The following RGS11 variants were observed in gnomAD, a reference collection of about 807,000 sequenced individuals.
RGS11 encodes the protein regulator of G protein signaling 11.
A neutral mutation model predicts 71.1 loss-of-function variants in RGS11; 86 were observed. That is an observed-to-expected ratio of 1.21 (90% CI 1.02 to 1.45). The LOEUF (loss-of-function observed/expected upper bound fraction) is 1.45. Ranked by LOEUF, RGS11 falls within the 40% of genes most tolerant of loss-of-function variation. The probability of loss-of-function intolerance (pLI) is 0.00; values close to 1 mark genes in which losing one functional copy is unlikely to be tolerated. For missense variants in RGS11, 734 were observed against 635.1 expected, an observed-to-expected ratio of 1.16 and a Z score of -1.67; for synonymous variants, 298 against 254.2, an observed-to-expected ratio of 1.17 and a Z score of -1.64.
Position 270,790 on chromosome 16 carries a change from A to C in RGS11, c.1021T>G (p.Tyr341Asp). The C allele has an allele frequency of 6.2e-7, 1 of 1,612,408 alleles. No individual in the cohort carries two copies. The highest frequency in any genetic ancestry group is 8.5e-7 in the Non-Finnish European group (1 of 1,179,898). Residue 341 changes from tyrosine (Y) to aspartate (D), a missense_variant, in exon 14 of 17, where the codon TAT (tyrosine) becomes GAT (aspartate). By Grantham distance (160) the Tyr-to-Asp change is radical. Coordinates refer to ENST00000397770, the MANE Select transcript of RGS11 (RefSeq NM_183337.3). ...SFWEACEELRYGAQAQVPTLV... is the reference protein window; with the variant it reads ...SFWEACEELRDGAQAQVPTLV... Reference sequence around the variant, plus strand: ...GTGGGGACCTGGGCCTGCGCTCCATATCGAAGCTCCTCACATGCCTCCCAG... The same window carrying C: ...GTGGGGACCTGGGCCTGCGCTCCATCTCGAAGCTCCTCACATGCCTCCCAG...
chr16:272,151 T>C (rs2051967946), intron 9 of RGS11: 3 of 1,144,250 alleles, frequency 2.6e-6, no homozygotes, highest in Non-Finnish European at 3.3e-6. Context: ...TGTCACATTT[T>C]CAAATGTACT....
At position 268,908 on chromosome 16, in the gene RGS11, T is replaced by C. The variant is rs923257952; in HGVS notation, c.*361A>G. The C allele has an allele frequency of 1.3e-5, 20 of 1,550,404 alleles. No homozygotes were observed. The highest frequency in any genetic ancestry group is 1.7e-5 in the Non-Finnish European group (20 of 1,146,984). ...ATCTTGCTTCCGGGTATTCGCTGGC[T>C]GATTTACTGGTTTTAGAGATGGGGA... On this transcript the variant is annotated 3_prime_UTR_variant, in exon 17 of 17. Transcript: ENST00000397770.
At chr16:275,556 C>G (rs902838022) in intron 1 of RGS11, 58 bp from the exon 2 acceptor site, 2 of 1,399,084 alleles carry the variant, frequency 1.4e-6, no homozygotes, top group African/African-American at 2.9e-5. Context: ...GATTCCCTGG[C>G]ACCGGCCGGG....
rs529467251 is a variant in RGS11 at position 268,576 on chromosome 16, G to C, written c.*693C>G. 3.3e-6 allele frequency: 2 copies of C among 609,228 alleles called. No individual in the cohort carries two copies. Among genetic ancestry groups the C allele is most frequent in the African/African-American group, 3.7e-5 (2 of 54,124 alleles). The allele number at this position is 609,228 out of a possible 1,614,324, so 37.7% of individuals were successfully genotyped here. A position where few individuals can be genotyped will look rare whatever the true frequency, so the allele number is the denominator to read the frequency against. On this transcript the variant is annotated 3_prime_UTR_variant, in exon 17 of 17. Transcript: ENST00000397770. ...TGGCAAGGATCCACCCTATGGAATCGGGCCTCGTCAGTGGGGTGACAATGT... is the reference window on the plus strand; with the variant it reads ...TGGCAAGGATCCACCCTATGGAATCCGGCCTCGTCAGTGGGGTGACAATGT...
intron 8 of RGS11, 94 bp downstream of exon 8, chr16:273,381 G>A (rs956441104): frequency 1.4e-5 from 14 of 977,784 alleles, no homozygotes; most frequent in Non-Finnish European, 2.1e-5. Context: ...TCCTTCCACA[G>A]GCTCAAAATG....
Position 268,990 on chromosome 16 carries a change from T to C in RGS11, c.*279A>G, listed in dbSNP as rs2051793905. 3 of 1,495,974 alleles carry C rather than the reference T, an allele frequency of 2.0e-6. No homozygotes were observed. The highest frequency in any genetic ancestry group is 2.7e-6 in the Non-Finnish European group (3 of 1,097,542). The allele number at this position is 1,495,974 out of a possible 1,614,324, so 92.7% of individuals were successfully genotyped here. On this transcript the variant is annotated 3_prime_UTR_variant, in exon 17 of 17. Coordinates refer to ENST00000397770, the MANE Select transcript of RGS11 (RefSeq NM_183337.3). Reference sequence around the variant, plus strand: ...AAGGTGGAGCTCCCTGTGGCCTTGGTCTCACCTCTCTTCAGGTAACAGGCT... The same window carrying C: ...AAGGTGGAGCTCCCTGTGGCCTTGGCCTCACCTCTCTTCAGGTAACAGGCT...
At position 269,400 on chromosome 16, in the gene RGS11, G is replaced by A. The variant is rs200985269; in HGVS notation, c.1290-17C>T. ...GGGAACACGCTGTGGGCGAGAAGGC[G>A]GCTGAGAACAGGCTGGCCAGCTGGT... On this transcript the variant is annotated splice_polypyrimidine_tract_variant and intron_variant, in intron 16 of 16. Transcript: ENST00000397770. The A allele has an allele frequency of 4.8e-5, 77 of 1,594,420 alleles. No individual in the cohort carries two copies. The African/African-American group carries it at 5.2e-4, about 11-fold the overall frequency.
chr16:269,386 G>T lies in RGS11; in HGVS notation c.1290-3C>A. The T allele has an allele frequency of 1.3e-6, 2 of 1,599,772 alleles. No individual in the cohort carries two copies. Among genetic ancestry groups the T allele is most frequent in the Non-Finnish European group, 1.7e-6 (2 of 1,172,692 alleles). ...GCCTCCACGTAAACGGGAACACGCT[G>T]TGGGCGAGAAGGCGGCTGAGAACAG... is the stretch of plus-strand genomic sequence containing the variant. On this transcript the variant is annotated splice_polypyrimidine_tract_variant and splice_region_variant and intron_variant, in intron 16 of 16. Coordinates refer to ENST00000397770, the MANE Select transcript of RGS11 (RefSeq NM_183337.3).
In RGS11 at chr16:268,779, C is replaced by G; in HGVS notation, c.*490G>C. The G allele has an allele frequency of 1.9e-6, 3 of 1,550,008 alleles. No homozygotes were observed. The highest frequency in any genetic ancestry group is 2.6e-6 in the Non-Finnish European group (3 of 1,146,970). On this transcript the variant is annotated 3_prime_UTR_variant, in exon 17 of 17. Coordinates refer to ENST00000397770, the MANE Select transcript of RGS11 (RefSeq NM_183337.3). ...ACTCTCTTGGGTCCTCTTCCAGGCT[C>G]ACACTGGGCGACAGCGGAGAGGCTC...
In RGS11 at chr16:275,895, G is replaced by C; in HGVS notation, c.17C>G (p.Ala6Gly). 1.1e-6 allele frequency: 1 copy of C among 890,798 alleles called. No individual in the cohort carries two copies. The highest frequency in any genetic ancestry group is 1.4e-6 in the Non-Finnish European group (1 of 728,674). The allele number at this position is 890,798 out of a possible 1,614,324, so 55.2% of individuals were successfully genotyped here. A position where few individuals can be genotyped will look rare whatever the true frequency, so the allele number is the denominator to read the frequency against. Reference protein sequence around the residue: MAAGPAPPPGRPRAQM... With the variant: MAAGPGPPPGRPRAQM... ...CGCCCGGGGGCGGCCGGGGGGCGGC[G>C]CGGGGCCGGCGGCCATGGCTGCGGG... The change falls in exon 1 of 17, where the codon GCG (alanine) becomes GGG (glycine). Residue 6 changes from alanine (A) to glycine (G), a missense_variant. Coordinates refer to ENST00000397770, the MANE Select transcript of RGS11 (RefSeq NM_183337.3).
rs972862254 is a variant in RGS11, at chr16:271,247, G to C, written c.818C>G (p.Pro273Arg). The C allele has an allele frequency of 1.9e-6, 3 of 1,612,832 alleles. No homozygotes were observed. In the African/African-American group the frequency reaches 4.0e-5, roughly 22 times the overall value. Residue 273 changes from proline (P) to arginine (R), a missense_variant, in exon 12 of 17, where the codon CCC becomes CGC. By Grantham distance (103) the Pro-to-Arg change is moderately radical (BLOSUM62 -2). Coordinates refer to ENST00000397770, the MANE Select transcript of RGS11 (RefSeq NM_183337.3). Reference protein sequence around the residue: ...PLVSGCLPSNPWISDNDAYWV... With the variant: ...PLVSGCLPSNRWISDNDAYWV... ...GTAGGCGTCATTGTCTGAGATCCAG[G>C]GATTGCTGGGCAGGCACCCCGACAC...
intron 15 of RGS11, 58 bp from the exon 16 acceptor site, chr16:269,643 C>A: frequency 7.4e-7 from 1 of 1,347,128 alleles, no homozygotes. Context: ...TCAGCCAGCT[C>A]CACCCGAAGG....
At position 274,856 on chromosome 16, in the gene RGS11, A is replaced by G. The variant is rs553419651; in HGVS notation, c.318+120T>C. ...CGATGGACCACCAGCCCACGGCGACATGGCGGAGTCCCACTCCAATCCCAG... is the reference window on the plus strand; with the variant it reads ...CGATGGACCACCAGCCCACGGCGACGTGGCGGAGTCCCACTCCAATCCCAG... On this transcript the variant is annotated intron_variant, in intron 4 of 16. Transcript: ENST00000397770. 11 of 1,357,502 alleles carry G rather than the reference A, an allele frequency of 8.1e-6. No homozygotes were observed. The African/African-American group carries it at 1.6e-4, about 20-fold the overall frequency. The allele number at this position is 1,357,502 out of a possible 1,614,324, so 84.1% of individuals were successfully genotyped here.
Position 275,487 on chromosome 16 carries a change from C to T in RGS11, c.75G>A (p.Val25=). 6.3e-7 allele frequency: 1 copy of T among 1,575,844 alleles called. No individual in the cohort carries two copies. Among genetic ancestry groups the T allele is most frequent in the Non-Finnish European group, 8.6e-7 (1 of 1,168,576 alleles). The change falls in exon 2 of 17, where the codon GTG becomes GTA. Residue 25 remains valine, a synonymous_variant. Transcript: ENST00000397770. ...GGTCGGGGTCCTGCATGCTCACGAC[C>T]ACCCGCTCCATCTGGGCGGAGGGAG... is the stretch of plus-strand genomic sequence containing the variant. The part of the protein sequence containing the change: ...QMPHLRKMER[V]VVSMQDPDQG...
Position 270,718 on chromosome 16 carries a change from A to G in RGS11, c.1067+26T>C, listed in dbSNP as rs201884070. On this transcript the variant is annotated intron_variant, in intron 14 of 16. Transcript: ENST00000397770. ...GCTGGGTGCACCTGCCCGTTGGCCAACCGGTGCCCACCACGCAGCACTTAC... is the reference window on the plus strand; with the variant it reads ...GCTGGGTGCACCTGCCCGTTGGCCAGCCGGTGCCCACCACGCAGCACTTAC... 6.7e-4 allele frequency: 1,080 copies of G among 1,611,062 alleles called. 7 individuals carry two copies. In the African/African-American group the frequency reaches 0.013, roughly 20 times the overall value.
intron 16 of RGS11, 42 bp downstream of exon 16, chr16:269,454 GCAGCCCC>G (rs1255683310): frequency 1.3e-6 from 2 of 1,599,710 alleles, no homozygotes; most frequent in African/African-American, 2.7e-5. Context: ...CAGGGCCCCA[GCAGCCCC>G]CAGGCCACAG....
intron 1 of RGS11, 80 bp from the exon 2 acceptor site, chr16:275,578 C>G: frequency 8.0e-7 from 1 of 1,250,560 alleles, no homozygotes; most frequent in Non-Finnish European, 1.1e-6. Flanking sequence ...TGCCCCGGAT[C>G]CGGGAGCGCG....
intron 3 of RGS11, 84 bp from the exon 4 acceptor site, chr16:275,166 C>A: frequency 8.9e-6 from 14 of 1,572,542 alleles, no homozygotes; most frequent in Non-Finnish European, 1.2e-5. Context: ...CCTATGTGCT[C>A]CCCACCCTTG....
chr16:273,011 C>T lies in RGS11; in HGVS notation c.589-80G>A. ...TTAAGGCTAAGTTCCCCCTCCCAGA[C>T]CCCCATGTGGAAACTGACACTCAAA... On this transcript the variant is annotated intron_variant, in intron 8 of 16. Transcript: ENST00000397770. 2.3e-6 allele frequency: 3 copies of T among 1,290,782 alleles called. No individual in the cohort carries two copies. The South Asian group carries it at 4.6e-5, about 20-fold the overall frequency. 80.0% of individuals were successfully genotyped at this position (1,290,782 alleles called of 1,614,324 possible).
Sources: gnomAD v4.1 joint callset for allele counts on GRCh38, gnomAD v4.1.1 for gene constraint, MANE v1.5 for transcripts, NCBI Gene and HGNC (gene_info 2026-07-23, HGNC 2026-07-21) for gene names.